Variants in PKP4 observed in about 807,000 individuals in gnomAD.
PKP4 encodes plakophilin-4.
In PKP4, 90 loss-of-function variants were observed where a neutral mutation model predicts 145.1. The observed-to-expected ratio is 0.62, with a 90% CI of 0.52 to 0.74. The LOEUF is 0.74. Ranked by LOEUF, PKP4 falls within the 30% of genes least tolerant of loss-of-function variation. PKP4 has a pLI of 0.00. For missense variants in PKP4, 1,340 were observed against 1,482.7 expected (o/e 0.90, Z 1.58); for synonymous variants, 563 against 577.2 (o/e 0.98, Z 0.35).
intron 1 of PKP4, among the ~76,000 whole-genome samples, chr2:158,512,882 T>G (rs1402676362): frequency 6.6e-6 from 1 of 152,214 alleles, no homozygotes; most frequent in East Asian, 1.9e-4. Context: ...TGTCCATATT[T>G]GCCAAGTACA....
intron 4 of PKP4, among the ~76,000 whole-genome samples, chr2:158,609,052 G>A (rs931966303): frequency 2.6e-5 from 4 of 151,830 alleles, no homozygotes; most frequent in African/African-American, 9.7e-5. Context: ...CCTAACCTCA[G>A]GTGATCCGCC....
chr2:158,474,574 C>T (rs931281584), intron 1 of PKP4, among the ~76,000 whole-genome samples: 8 of 152,150 alleles, frequency 5.3e-5, no homozygotes, highest in Non-Finnish European at 8.8e-5. Flanking sequence ...AAATGTTTTC[C>T]GTAATTCATT....
intron 4 of PKP4, among the ~76,000 whole-genome samples, chr2:158,619,947 A>G (rs530218402): frequency 1.8e-4 from 21 of 118,030 alleles, no homozygotes; most frequent in African/African-American, 5.9e-4. Context: ...ACACACACGC[A>G]CACACACACC....
intron 1 of PKP4, among the ~76,000 whole-genome samples, chr2:158,532,258 A>G (rs1426887823): frequency 1.3e-5 from 2 of 152,262 alleles, no homozygotes; most frequent in Non-Finnish European, 1.5e-5. Flanking sequence ...TTGAATATAC[A>G]GAGTGACACA....
chr2:158,513,641 CTT>C (rs1485689136), intron 1 of PKP4, among the ~76,000 whole-genome samples: 1 of 152,166 alleles, frequency 6.6e-6, no homozygotes, highest in Non-Finnish European at 1.5e-5. Context: ...CACCATCTAA[CTT>C]TTACTCTCCT....
chr2:158,557,542 C>T (rs2046201723), intron 2 of PKP4, among the ~76,000 whole-genome samples: 1 of 152,152 alleles, frequency 6.6e-6, no homozygotes, highest in Non-Finnish European at 1.5e-5. Context: ...TATTTTAAAA[C>T]ACAGTGTTTT....
At chr2:158,641,548 A>G (rs1452158766) in intron 10 of PKP4, among the ~76,000 whole-genome samples, 2 of 152,162 alleles carry the variant, frequency 1.3e-5, no homozygotes, top group Admixed American at 6.5e-5. Flanking sequence ...CTATAATTCT[A>G]TATAACATAT....
intron 1 of PKP4, among the ~76,000 whole-genome samples, chr2:158,532,873 A>C (rs1262522515): frequency 1.3e-5 from 2 of 152,176 alleles, no homozygotes; most frequent in Admixed American, 6.5e-5. Context: ...TCTGTTGCAA[A>C]AACCTCTTCT....
intron 9 of PKP4, among the ~76,000 whole-genome samples, chr2:158,638,138 CT>C (rs1399120358): frequency 3.3e-5 from 5 of 152,094 alleles, no homozygotes; most frequent in African/African-American, 9.7e-5. Flanking sequence ...ACATAATAGG[CT>C]TTAGACAGAT....
intron 7 of PKP4, among the ~76,000 whole-genome samples, chr2:158,627,110 C>T (rs1574852728): frequency 1.3e-5 from 2 of 152,264 alleles, no homozygotes; most frequent in Admixed American, 1.3e-4. Flanking sequence ...GGAGAAACCA[C>T]CTCTTTTTCA....
chr2:158,643,153 G>C (rs1230071644), intron 11 of PKP4, among the ~76,000 whole-genome samples: 1 of 152,288 alleles, frequency 6.6e-6, no homozygotes, highest in African/African-American at 2.4e-5. Flanking sequence ...ATAAAACTCA[G>C]TGCCTGCGCT....
intron 7 of PKP4, among the ~76,000 whole-genome samples, chr2:158,628,622 G>A (rs2053045797): frequency 6.6e-6 from 1 of 152,116 alleles, no homozygotes; most frequent in Non-Finnish European, 1.5e-5. Flanking sequence ...TATAACGAGT[G>A]AACATCTGCT....
intron 4 of PKP4, among the ~76,000 whole-genome samples, chr2:158,610,887 C>T (rs988495226): frequency 4.6e-5 from 7 of 152,224 alleles, no homozygotes; most frequent in African/African-American, 1.7e-4. Flanking sequence ...ATGTGCTGCT[C>T]TGTCCCCACC....
Position 158,533,234 on chromosome 2 carries a change from C to A in PKP4, c.50C>A (p.Thr17Asn), listed in dbSNP as rs1208836649. Residue 17 changes from threonine (T) to asparagine (N), a missense_variant, in exon 2 of 22, where the codon ACC becomes AAC. Coordinates refer to ENST00000389759, the MANE Select transcript of PKP4 (RefSeq NM_003628.6). ...ASLVEEGQPQ[T>N]RQEAASTGPG... ...TTGGTGGAGGAGGGGCAACCACAGA[C>A]CCGCCAGGAAGCTGCCTCCACTGGC... 6.2e-7 allele frequency: 1 copy of A among 1,613,852 alleles called. No individual in the cohort carries two copies. Among genetic ancestry groups the A allele is most frequent in the Non-Finnish European group, 8.5e-7 (1 of 1,180,004 alleles).
chr2:158,459,662 A>C (rs976061397), intron 1 of PKP4, among the ~76,000 whole-genome samples: 1 of 152,206 alleles, frequency 6.6e-6, no homozygotes, highest in South Asian at 2.1e-4. Context: ...TAACAGTATC[A>C]TATTACAGCA....
chr2:158,662,777 A>G (rs2056723352), intron 13 of PKP4, 120 bp from the exon 14 acceptor site: 1 of 717,676 alleles, frequency 1.4e-6, no homozygotes. Flanking sequence ...TCAAGTTCTC[A>G]TAAATAAAAA....
chr2:158,582,492 T>A (rs2048412229), intron 3 of PKP4, among the ~76,000 whole-genome samples: 1 of 152,196 alleles, frequency 6.6e-6, no homozygotes, highest in Non-Finnish European at 1.5e-5. Context: ...ATGTGTGTTG[T>A]AACCTTCCAT....
intron 2 of PKP4, among the ~76,000 whole-genome samples, chr2:158,555,445 T>G (rs1397123546): frequency 6.6e-6 from 1 of 152,214 alleles, no homozygotes; most frequent in Admixed American, 6.5e-5. Flanking sequence ...TGTAAATAAT[T>G]TGGAGTAGAC....
intron 2 of PKP4, among the ~76,000 whole-genome samples, chr2:158,536,750 G>A (rs983542552): frequency 4.6e-5 from 7 of 152,142 alleles, no homozygotes; most frequent in Non-Finnish European, 7.3e-5. Flanking sequence ...ATGTGGATGC[G>A]TACCTGCGAA....
Sources: allele counts gnomAD v4.1 joint callset (sites outside exome capture counted in the v4.1 genomes callset), GRCh38; gene constraint gnomAD v4.1.1; transcripts MANE v1.5; gene names NCBI Gene and HGNC (gene_info 2026-07-23, HGNC 2026-07-21).